Variants in KIAA1143 observed in about 807,000 individuals in gnomAD.
KIAA1143 encodes the protein KIAA1143, also known as uncharacterized protein KIAA1143.
KIAA1143 carries 8 observed loss-of-function variants against 17.0 expected under a neutral mutation model. The ratio of observed to expected loss-of-function variants is 0.47; its 90% CI spans 0.28 to 0.85. KIAA1143 has a LOEUF of 0.85. Ranked by LOEUF, KIAA1143 falls within the 40% of genes least tolerant of loss-of-function variation. The pLI, the probability that KIAA1143 is intolerant of heterozygous loss-of-function variation, is 0.12. For missense variants in KIAA1143, 162 were observed against 183.3 expected (o/e 0.88, Z 0.67); for synonymous variants, 64 against 67.8 (o/e 0.94, Z 0.27).
Position 44,751,045 on chromosome 3 carries a change from G to C in KIAA1143, c.*2296C>G, listed in dbSNP as rs1485940053. The C allele has an allele frequency of 6.7e-6, 1 of 149,340 alleles. No homozygotes were observed. Among genetic ancestry groups the C allele is most frequent in the Non-Finnish European group, 1.5e-5 (1 of 67,468 alleles). 9.3% of individuals were successfully genotyped at this position (149,340 alleles called of 1,614,324 possible). On this transcript the variant is annotated 3_prime_UTR_variant, in exon 3 of 3. Transcript: ENST00000296121. ...CGGTTACTTTCTCAGGACTTTGACT[G>C]AAATGGCCTTGTGAAATGTTCTAGC... is the stretch of plus-strand genomic sequence containing the variant.
intron 1 of KIAA1143, among the ~76,000 whole-genome samples, chr3:44,758,842 G>A (rs1047931546): frequency 1.3e-5 from 2 of 151,546 alleles, no homozygotes; most frequent in Admixed American, 1.3e-4. Flanking sequence ...CATGGCAGCT[G>A]TAGCCTTACA....
Position 44,749,360 on chromosome 3 carries a change from G to A in KIAA1143, c.*3981C>T, listed in dbSNP as rs1461319302. 1.3e-5 allele frequency: 2 copies of A among 152,218 alleles called. No homozygotes were observed. The highest frequency in any genetic ancestry group is 1.9e-4 in the East Asian group (1 of 5,196). 9.4% of individuals were successfully genotyped at this position (152,218 alleles called of 1,614,324 possible). On this transcript the variant is annotated 3_prime_UTR_variant, in exon 3 of 3. Transcript: ENST00000296121. ...GCTGAGATCGCGCCACTGCACTCCA[G>A]CCTGGGTGACAGAGCGAGACTCTGT...
At chr3:44,760,452 C>T (rs970329929) in intron 1 of KIAA1143, among the ~76,000 whole-genome samples, 32 of 151,956 alleles carry the variant, frequency 2.1e-4, no homozygotes, top group Non-Finnish European at 4.1e-4. Flanking sequence ...TGCAGTGGCG[C>T]GATCTCGGCT....
Position 44,751,437 on chromosome 3 carries a change from C to T in KIAA1143, c.*1904G>A, listed in dbSNP as rs566745128. ...TCAAAGTATTGTCACCTTACAAATT[C>T]GGATAGGCTCCTTGGCAGTGGTCGC... On this transcript the variant is annotated 3_prime_UTR_variant, in exon 3 of 3. Coordinates refer to ENST00000296121, the MANE Select transcript of KIAA1143 (RefSeq NM_020696.4). The T allele has an allele frequency of 1.3e-3, 204 of 152,312 alleles. 3 individuals are homozygous for T. Among genetic ancestry groups the T allele is most frequent in the Middle Eastern group, 6.8e-3 (2 of 294 alleles). 9.4% of individuals were successfully genotyped at this position (152,312 alleles called of 1,614,324 possible).
At chr3:44,755,695 T>C (rs1704958351) in intron 1 of KIAA1143, among the ~76,000 whole-genome samples, 1 of 152,210 alleles carries the variant, frequency 6.6e-6, no homozygotes, top group African/African-American at 2.4e-5. Context: ...CTTACCTAAA[T>C]CTCACCTTCT....
chr3:44,752,286 TCAGA>T lies in KIAA1143; in HGVS notation c.*1051_*1054del, dbSNP rs879304629. ...TCTGATTGGTCACTTTCTGCACCAA[TCAGA>T]CAGGTCACGGGCCACTACTTCATTT... On this transcript the variant is annotated 3_prime_UTR_variant, in exon 3 of 3. Coordinates refer to ENST00000296121, the MANE Select transcript of KIAA1143 (RefSeq NM_020696.4). 12 of 151,514 alleles carry T rather than the reference TCAGA, an allele frequency of 7.9e-5. No individual in the cohort carries two copies. Among genetic ancestry groups the T allele is most frequent in the Non-Finnish European group, 1.3e-4 (9 of 67,818 alleles). The allele number at this position is 151,514 out of a possible 1,614,324, so 9.4% of individuals were successfully genotyped here. A position where few individuals can be genotyped will look rare whatever the true frequency, so the allele number is the denominator to read the frequency against.
At chr3:44,756,542 A>G (rs1704976516) in intron 1 of KIAA1143, among the ~76,000 whole-genome samples, 1 of 152,216 alleles carries the variant, frequency 6.6e-6, no homozygotes, top group Admixed American at 6.5e-5. Context: ...CAGCCTAAGC[A>G]ACAGAGAAAG....
chr3:44,761,390 G>A lies in KIAA1143; in HGVS notation c.108+105C>T, dbSNP rs550331279. ...TTCCACCGGAATTGGGTTCGAGCGC[G>A]GGTGAAAAGAGGGACCCGACAGCAC... On this transcript the variant is annotated intron_variant, in intron 1 of 2. Transcript: ENST00000296121. 86 of 810,456 alleles carry A rather than the reference G, an allele frequency of 1.1e-4. No homozygotes were observed. In the South Asian group the frequency reaches 1.4e-3, roughly 13 times the overall value. 50.2% of individuals were successfully genotyped at this position (810,456 alleles called of 1,614,324 possible). A position where few individuals can be genotyped will look rare whatever the true frequency, so the allele number is the denominator to read the frequency against.
intron 1 of KIAA1143, among the ~76,000 whole-genome samples, chr3:44,759,893 T>TTAAAAAAAAAAAA (rs1364432200): frequency 4.7e-5 from 1 of 21,102 alleles, no homozygotes; most frequent in Non-Finnish European, 8.0e-5. Flanking sequence ...AGACCCTATC[T>TTAAAAAAAAAAAA]CAAAAAAAAA....
intron 1 of KIAA1143, among the ~76,000 whole-genome samples, chr3:44,758,394 A>C (rs151079920): frequency 6.6e-6 from 1 of 152,234 alleles, no homozygotes; most frequent in Admixed American, 6.5e-5. Flanking sequence ...AATTGGAATC[A>C]GTCCTCTTAA....
At chr3:44,755,451 G>T (rs922740610) in intron 1 of KIAA1143, among the ~76,000 whole-genome samples, 1 of 152,082 alleles carries the variant, frequency 6.6e-6, no homozygotes, top group Admixed American at 6.6e-5. Flanking sequence ...CCCAAACAAG[G>T]CGACAAAGCC....
rs1405796946 is a variant in KIAA1143, at chr3:44,761,542, A to C, written c.61T>G (p.Phe21Val). The C allele has an allele frequency of 6.2e-7, 1 of 1,614,126 alleles. No homozygotes were observed. The highest frequency in any genetic ancestry group is 8.5e-7 in the Non-Finnish European group (1 of 1,180,018). ...TCCCTGTAGCCGACCCGTTCCTTGA[A>C]GCGGGCCAGAAACGCCGGCTCGGCT... ...RPAEPAFLAR[F>V]KERVGYREGP... is the part of the protein sequence containing the mutation. The change falls in exon 1 of 3, where the codon TTC becomes GTC. Residue 21 changes from phenylalanine to valine, a missense_variant. Around this residue, in one of 2 missense-constraint regions of KIAA1143, gnomAD observed 137 missense variants for 132.5 expected, o/e 1.03. Transcript: ENST00000296121.
At chr3:44,760,247 A>G (rs981465016) in intron 1 of KIAA1143, among the ~76,000 whole-genome samples, 1 of 152,222 alleles carries the variant, frequency 6.6e-6, no homozygotes, top group Non-Finnish European at 1.5e-5. Context: ...TGTATCAGCA[A>G]TGTAGCTGTT....
In KIAA1143 at chr3:44,754,340, T is replaced by A; in HGVS notation, c.137A>T (p.Asp46Val). 6.2e-7 allele frequency: 1 copy of A among 1,613,886 alleles called. No homozygotes were observed. The highest frequency in any genetic ancestry group is 8.5e-7 in the Non-Finnish European group (1 of 1,179,776). Residue 46 changes from aspartate to valine, a missense_variant, in exon 2 of 3, where the codon GAT becomes GTT. Around this residue, in one of 2 missense-constraint regions of KIAA1143, gnomAD observed 137 missense variants for 132.5 expected, o/e 1.03. Coordinates refer to ENST00000296121, the MANE Select transcript of KIAA1143 (RefSeq NM_020696.4). Reference sequence around the variant, plus strand: ...ATCTTCTTTGTCACTGTGATCCCCATCTTCATCTGGGGGCTGAGGCTGAAT... The same window carrying A: ...ATCTTCTTTGTCACTGTGATCCCCAACTTCATCTGGGGGCTGAGGCTGAAT... ...KRIQPQPPDEDGDHSDKEDEQ... is the reference protein window; with the variant it reads ...KRIQPQPPDEVGDHSDKEDEQ...
chr3:44,753,696 T>A, intron 2 of KIAA1143, 144 bp from the exon 3 acceptor site: 1 of 778,400 alleles, frequency 1.3e-6, no homozygotes, highest in Non-Finnish European at 2.0e-6. Flanking sequence ...TGTTTCTAGC[T>A]ATATTGCCCT....
chr3:44,749,863 T>C lies in KIAA1143; in HGVS notation c.*3478A>G, dbSNP rs1460536074. On this transcript the variant is annotated 3_prime_UTR_variant, in exon 3 of 3. Transcript: ENST00000296121. ...TGGAGTGCAGTGGTGCAATCATAGCTCACTGCAGCGTTGAACTCCTGGGCC... is the reference window on the plus strand; with the variant it reads ...TGGAGTGCAGTGGTGCAATCATAGCCCACTGCAGCGTTGAACTCCTGGGCC... 1 of 152,240 alleles carries C rather than the reference T, an allele frequency of 6.6e-6. No individual in the cohort carries two copies. Among genetic ancestry groups the C allele is most frequent in the Non-Finnish European group, 1.5e-5 (1 of 68,054 alleles). 9.4% of individuals were successfully genotyped at this position (152,240 alleles called of 1,614,324 possible).
At position 44,749,646 on chromosome 3, in the gene KIAA1143, T is replaced by G. The variant is rs1704867125; in HGVS notation, c.*3695A>C. 6.6e-6 allele frequency: 1 copy of G among 152,170 alleles called. No individual in the cohort carries two copies. Among genetic ancestry groups the G allele is most frequent in the African/African-American group, 2.4e-5 (1 of 41,436 alleles). 9.4% of individuals were successfully genotyped at this position (152,170 alleles called of 1,614,324 possible). A position where few individuals can be genotyped will look rare whatever the true frequency, so the allele number is the denominator to read the frequency against. ...GGAGAAATCTCTCACTAGATGGCCT[T>G]TCAAATAAATGAGAAACACATGGTT... On this transcript the variant is annotated 3_prime_UTR_variant, in exon 3 of 3. Coordinates refer to ENST00000296121, the MANE Select transcript of KIAA1143 (RefSeq NM_020696.4).
At chr3:44,760,668 G>A (rs906112177) in intron 1 of KIAA1143, among the ~76,000 whole-genome samples, 4 of 149,122 alleles carry the variant, frequency 2.7e-5, no homozygotes, top group South Asian at 2.1e-4. Context: ...GATTACAGGC[G>A]TGAGCCACCA....
intron 1 of KIAA1143, among the ~76,000 whole-genome samples, chr3:44,755,622 G>A (rs1174893265): frequency 6.6e-6 from 1 of 152,096 alleles, no homozygotes; most frequent in African/African-American, 2.4e-5. Flanking sequence ...GGCTTATTAA[G>A]CCCCACAGCC....
Sources: allele counts gnomAD v4.1 joint callset (sites outside exome capture counted in the v4.1 genomes callset), GRCh38; gene constraint gnomAD v4.1.1; regional missense constraint gnomAD v4.1.1; transcripts MANE v1.5; gene names NCBI Gene and HGNC (gene_info 2026-07-23, HGNC 2026-07-21).